Variants in MYO5B observed in about 807,000 individuals in gnomAD.
The protein encoded by MYO5B is myosin VB.
In MYO5B, 143 loss-of-function variants were observed where a neutral mutation model predicts 229.3. That is an observed-to-expected ratio of 0.62 (90% CI 0.54 to 0.72). The LOEUF is 0.72. MYO5B is among the 30% of genes least tolerant of loss of function. The probability of loss-of-function intolerance (pLI) is 0.00; values close to 1 mark genes in which losing one functional copy is unlikely to be tolerated. For missense variants in MYO5B, 2,321 were observed against 2,331.0 expected, an observed-to-expected ratio of 1.00 and a Z score of 0.09; for synonymous variants, 918 against 885.2, an observed-to-expected ratio of 1.04 and a Z score of -0.66.
chr18:49,962,546 G>A (rs2144260704), intron 11 of MYO5B, 140 bp from the exon 12 acceptor site: 2 of 1,228,848 alleles, frequency 1.6e-6, no homozygotes, highest in South Asian at 1.3e-5. Context: ...TCATAGTTAT[G>A]ACTGCAGAAA....
intron 4 of MYO5B, among the ~76,000 whole-genome samples, chr18:50,012,413 AC>A (rs1476152939): frequency 5.9e-5 from 9 of 152,352 alleles, no homozygotes; most frequent in South Asian, 2.1e-4. Flanking sequence ...CTGGCTGAAG[AC>A]CACAGAAACC....
At chr18:50,090,823 G>C (rs761430734) in intron 1 of MYO5B, among the ~76,000 whole-genome samples, 5 of 152,160 alleles carry the variant, frequency 3.3e-5, no homozygotes, top group Non-Finnish European at 5.9e-5. Context: ...CCCTACAACA[G>C]CATCCCCCAT....
rs201432958 is a variant in MYO5B at position 49,920,989 on chromosome 18, A to G, written c.2090+8523T>C. On this transcript the variant is annotated intron_variant, in intron 17 of 39. Coordinates refer to ENST00000285039, the MANE Select transcript of MYO5B (RefSeq NM_001080467.3). ...TGAGATAATGACTCATATCATTCCA[A>G]AATCAGTTCTCTATTATTCTTCCTC... Among the ~76,000 whole-genome samples the G allele has an allele frequency of 5.9e-5, 9 of 152,332 alleles. No homozygotes were observed. In the East Asian group the frequency reaches 1.2e-3, roughly 20 times the overall value.
chr18:50,104,195 A>C (rs1198868196), intron 1 of MYO5B, among the ~76,000 whole-genome samples: 1 of 147,984 alleles, frequency 6.8e-6, no homozygotes, highest in Admixed American at 6.8e-5. Context: ...AATTATACCT[A>C]GCGAGGAGGA....
At chr18:49,971,697 C>T (rs1364599332) in intron 10 of MYO5B, among the ~76,000 whole-genome samples, 1 of 152,152 alleles carries the variant, frequency 6.6e-6, no homozygotes, top group Non-Finnish European at 1.5e-5. Context: ...ATATTTAGGG[C>T]ATGTATGTAA....
chr18:49,862,288 A>G (rs1253269917), intron 29 of MYO5B, among the ~76,000 whole-genome samples: 2 of 152,138 alleles, frequency 1.3e-5, no homozygotes, highest in Non-Finnish European at 2.9e-5. Flanking sequence ...GTGAGCCACT[A>G]TGCTCGGCCA....
At chr18:49,966,525 G>A (rs1220536224) in intron 10 of MYO5B, among the ~76,000 whole-genome samples, 1 of 152,162 alleles carries the variant, frequency 6.6e-6, no homozygotes, top group African/African-American at 2.4e-5. Context: ...AGCTGCTGAT[G>A]GCAGCCAAGC....
chr18:49,867,471 C>T (rs920749655), intron 27 of MYO5B, among the ~76,000 whole-genome samples: 1 of 152,008 alleles, frequency 6.6e-6, no homozygotes. Context: ...GGGGTGAAAC[C>T]GCCCCGGGAG....
intron 1 of MYO5B, among the ~76,000 whole-genome samples, chr18:50,139,618 G>C (rs974312902): frequency 6.6e-6 from 1 of 152,090 alleles, no homozygotes; most frequent in African/African-American, 2.4e-5. Flanking sequence ...CCCAGCAGAG[G>C]ACCCAGCCTT....
chr18:49,859,995 G>T (rs2024309278), intron 29 of MYO5B, among the ~76,000 whole-genome samples: 1 of 149,880 alleles, frequency 6.7e-6, no homozygotes, highest in East Asian at 1.9e-4. Flanking sequence ...GGGGGGCGGC[G>T]GGTGTGAATA....
intron 1 of MYO5B, among the ~76,000 whole-genome samples, chr18:50,109,426 CTTTTTTT>C (rs901383493): frequency 9.2e-5 from 12 of 130,622 alleles, no homozygotes; most frequent in African/African-American, 3.1e-4. Flanking sequence ...CATGATTTTT[CTTTTTTT>C]TTTTTTTTTG....
At chr18:49,949,887 TAAAGA>T (rs2025414428) in intron 14 of MYO5B, among the ~76,000 whole-genome samples, 1 of 152,154 alleles carries the variant, frequency 6.6e-6, no homozygotes, top group African/African-American at 2.4e-5. Context: ...CTAAAAATTT[TAAAGA>T]AAATAGACTC....
At chr18:50,002,545 G>C (rs2026059491) in intron 4 of MYO5B, among the ~76,000 whole-genome samples, 1 of 152,152 alleles carries the variant, frequency 6.6e-6, no homozygotes, top group Non-Finnish European at 1.5e-5. Context: ...TCTTCATTTG[G>C]AAAAGAAGGG....
intron 1 of MYO5B, among the ~76,000 whole-genome samples, chr18:50,159,169 C>G (rs1599066217): frequency 6.6e-6 from 1 of 152,230 alleles, no homozygotes. Context: ...GCACAGCCAG[C>G]CTCAAAGGTT....
rs558585236 is a variant in MYO5B at position 49,856,746 on chromosome 18, G to T, written c.4022+67C>A. 248 of 1,352,638 alleles carry T rather than the reference G, an allele frequency of 1.8e-4. 1 individual carries two copies. Among genetic ancestry groups the T allele is most frequent in the Admixed American group, 2.2e-4 (13 of 59,650 alleles). The allele number at this position is 1,352,638 out of a possible 1,614,324, so 83.8% of individuals were successfully genotyped here. ...CTCGCACCCACTGTAGCTGAAAAACGGTTAAGCATAGACATGAGCAGGCCC... is the reference window on the plus strand; with the variant it reads ...CTCGCACCCACTGTAGCTGAAAAACTGTTAAGCATAGACATGAGCAGGCCC... On this transcript the variant is annotated intron_variant, in intron 30 of 39. Transcript: ENST00000285039.
chr18:50,023,073 T>G (rs2026293904), intron 4 of MYO5B, among the ~76,000 whole-genome samples: 1 of 152,050 alleles, frequency 6.6e-6, no homozygotes, highest in Non-Finnish European at 1.5e-5. Context: ...AGGCATCTTC[T>G]TTAAGAATAA....
At chr18:49,870,864 C>A (rs1275730673) in intron 27 of MYO5B, among the ~76,000 whole-genome samples, 12 of 152,184 alleles carry the variant, frequency 7.9e-5, no homozygotes. Flanking sequence ...AATGGTGCAG[C>A]TGCTATGGAA....
intron 22 of MYO5B, among the ~76,000 whole-genome samples, chr18:49,887,201 A>C (rs1181801221): frequency 1.3e-5 from 2 of 152,076 alleles, no homozygotes; most frequent in Non-Finnish European, 2.9e-5. Context: ...ATGAAGTCAC[A>C]TGTTCTTAGG....
At position 50,143,389 on chromosome 18, in the gene MYO5B, C is replaced by T. The variant is rs140734875; in HGVS notation, c.27+51378G>A. On this transcript the variant is annotated intron_variant, in intron 1 of 39. Transcript: ENST00000285039. ...GAGTCAGTAGGCAGGACCCAGGAGGCCCCCCTCAGTTACTAAGAGCAGAAC... is the reference window on the plus strand; with the variant it reads ...GAGTCAGTAGGCAGGACCCAGGAGGTCCCCCTCAGTTACTAAGAGCAGAAC... Among the ~76,000 whole-genome samples the T allele has an allele frequency of 4.5e-3, 689 of 152,236 alleles. 7 individuals are homozygous for T. Among genetic ancestry groups the T allele is most frequent in the African/African-American group, 0.016 (649 of 41,554 alleles).
Sources: gnomAD v4.1 joint callset for allele counts (sites outside exome capture counted in the v4.1 genomes callset) on GRCh38, gnomAD v4.1.1 for gene constraint, MANE v1.5 for transcripts, NCBI Gene and HGNC (gene_info 2026-07-23, HGNC 2026-07-21) for gene names.